The following LCORL variants were observed in gnomAD, a reference collection of about 807,000 sequenced individuals.
The protein encoded by LCORL is ligand dependent nuclear receptor corepressor like, also known as ligand-dependent nuclear receptor corepressor-like protein.
In LCORL, 41 loss-of-function variants were observed where a neutral mutation model predicts 141.8. The observed-to-expected ratio is 0.29, with a 90% CI of 0.23 to 0.38. The LOEUF is 0.38. Ranked by LOEUF, LCORL falls within the 10% of genes least tolerant of loss-of-function variation. LCORL has a pLI of 1.00. For missense variants in LCORL, 1,759 were observed against 2,035.0 expected (o/e 0.86, Z 2.61); for synonymous variants, 618 against 694.1 (o/e 0.89, Z 1.72).
chr4:17,885,153 G>A (rs979655411), intron 6 of LCORL, among the ~76,000 whole-genome samples: 6 of 151,894 alleles, frequency 4.0e-5, no homozygotes, highest in South Asian at 4.2e-4. Context: ...TGACGTTACC[G>A]CTAAACAAGT....
intron 1 of LCORL, among the ~76,000 whole-genome samples, chr4:18,016,817 G>T (rs17521310): frequency 0.04 from 6,026 of 152,170 alleles, 160 homozygotes; most frequent in Admixed American, 0.059. Flanking sequence ...AGATACTGAA[G>T]TTTACAGAAT....
chr4:17,869,106 A>G (rs1726033460), intron 7 of LCORL, among the ~76,000 whole-genome samples: 1 of 138,388 alleles, frequency 7.2e-6, no homozygotes. Flanking sequence ...CTCTCTAACC[A>G]TGTCCTAGAT....
chr4:17,866,243 C>T (rs1438117559), intron 7 of LCORL, among the ~76,000 whole-genome samples: 1 of 152,188 alleles, frequency 6.6e-6, no homozygotes, highest in Admixed American at 6.5e-5. Context: ...CCTCCTCACC[C>T]TTCACAGCTT....
chr4:18,008,676 T>C (rs891289896), intron 1 of LCORL, among the ~76,000 whole-genome samples: 1 of 152,174 alleles, frequency 6.6e-6, no homozygotes, highest in Non-Finnish European at 1.5e-5. Context: ...ATAATACATA[T>C]AAAAACTTAG....
At chr4:17,899,454 TAGAC>T (rs2109290344) in intron 5 of LCORL, among the ~76,000 whole-genome samples, 1 of 152,066 alleles carries the variant, frequency 6.6e-6, no homozygotes, top group African/African-American at 2.4e-5. Flanking sequence ...GTGTCAGACA[TAGAC>T]AGTGTGACTT....
chr4:18,008,891 A>G lies in LCORL; in HGVS notation c.154+12707T>C, dbSNP rs1723224628. Among the ~76,000 whole-genome samples, 2 of 152,190 alleles carry G rather than the reference A, an allele frequency of 1.3e-5. 1 individual carries two copies. Among genetic ancestry groups the G allele is most frequent in the South Asian group, 4.1e-4 (2 of 4,828 alleles). On this transcript the variant is annotated intron_variant, in intron 1 of 7. Transcript: ENST00000635767. Reference sequence around the variant, plus strand: ...TTATGTTTTAACAATCTTTAACTTAAAAGTTTTAAGTATAGTAAGGAAGAC... The same window carrying G: ...TTATGTTTTAACAATCTTTAACTTAGAAGTTTTAAGTATAGTAAGGAAGAC...
intron 1 of LCORL, among the ~76,000 whole-genome samples, chr4:18,005,133 G>A (rs1722589831): frequency 6.6e-6 from 1 of 152,066 alleles, no homozygotes; most frequent in Admixed American, 6.5e-5. Flanking sequence ...TGGCCAGGCT[G>A]GTCTCGAACT....
chr4:17,964,197 A>C (rs910004472), intron 2 of LCORL, among the ~76,000 whole-genome samples: 7 of 152,096 alleles, frequency 4.6e-5, no homozygotes, highest in Non-Finnish European at 1.0e-4. Context: ...CAGAGCAGGG[A>C]ATGGAAATTA....
At chr4:17,991,751 A>G (rs1720046623) in intron 1 of LCORL, among the ~76,000 whole-genome samples, 1 of 152,218 alleles carries the variant, frequency 6.6e-6, no homozygotes, top group Non-Finnish European at 1.5e-5. Flanking sequence ...CCCCTTTCTT[A>G]GGGCACAAGA....
At chr4:17,983,770 G>C (rs1718439227) in intron 1 of LCORL, among the ~76,000 whole-genome samples, 1 of 152,038 alleles carries the variant, frequency 6.6e-6, no homozygotes. Flanking sequence ...TCTTTCTCTT[G>C]TCTGACTACT....
chr4:17,991,073 T>A (rs1169209028), intron 1 of LCORL, among the ~76,000 whole-genome samples: 2 of 152,146 alleles, frequency 1.3e-5, no homozygotes, highest in East Asian at 3.8e-4. Context: ...TAGAAGAGCC[T>A]AAGGAAATTA....
At chr4:17,997,856 G>C (rs1214487810) in intron 1 of LCORL, among the ~76,000 whole-genome samples, 1 of 152,062 alleles carries the variant, frequency 6.6e-6, no homozygotes, top group East Asian at 1.9e-4. Context: ...TCAGGATAAA[G>C]AAGGCTAAAA....
At chr4:17,956,012 C>T (rs1052058661) in intron 4 of LCORL, among the ~76,000 whole-genome samples, 1 of 151,882 alleles carries the variant, frequency 6.6e-6, no homozygotes, top group Non-Finnish European at 1.5e-5. Flanking sequence ...ATAGACATTT[C>T]GCAAAAGAAA....
intron 1 of LCORL, among the ~76,000 whole-genome samples, chr4:18,010,600 C>T (rs903406640): frequency 6.6e-6 from 1 of 151,662 alleles, no homozygotes; most frequent in Non-Finnish European, 1.5e-5. Flanking sequence ...CAGGCACCTG[C>T]CACCACGCCT....
At chr4:17,950,920 A>G (rs762436490) in intron 4 of LCORL, among the ~76,000 whole-genome samples, 1 of 152,206 alleles carries the variant, frequency 6.6e-6, no homozygotes, top group Non-Finnish European at 1.5e-5. Context: ...GGCGACCAGG[A>G]GCTGAAAAAG....
intron 5 of LCORL, among the ~76,000 whole-genome samples, chr4:17,889,503 A>G (rs1222748503): frequency 1.3e-5 from 2 of 152,126 alleles, no homozygotes; most frequent in African/African-American, 4.8e-5. Flanking sequence ...TAATAGTTGC[A>G]ATACCATTAA....
At chr4:17,972,409 C>T (rs1306591836) in intron 2 of LCORL, among the ~76,000 whole-genome samples, 1 of 151,584 alleles carries the variant, frequency 6.6e-6, no homozygotes, top group East Asian at 1.9e-4. Flanking sequence ...TGGGTGATAG[C>T]TTTTTAGAAG....
chr4:17,941,494 T>C (rs781266015), intron 4 of LCORL, among the ~76,000 whole-genome samples: 14 of 151,820 alleles, frequency 9.2e-5, no homozygotes, highest in Non-Finnish European at 1.8e-4. Context: ...ACCATAACCA[T>C]AGACTGCCAT....
At chr4:17,939,002 A>T (rs1371909146) in intron 4 of LCORL, among the ~76,000 whole-genome samples, 2 of 152,342 alleles carry the variant, frequency 1.3e-5, no homozygotes, top group Admixed American at 6.5e-5. Context: ...AGGCTAAAGC[A>T]TTATTCAACA....
Sources: allele counts gnomAD v4.1 joint callset (sites outside exome capture counted in the v4.1 genomes callset), GRCh38; gene constraint gnomAD v4.1.1; transcripts MANE v1.5; gene names NCBI Gene and HGNC (gene_info 2026-07-23, HGNC 2026-07-21).